Variants in ATP2B2 observed in about 807,000 individuals in gnomAD.
The protein encoded by ATP2B2 is ATPase plasma membrane Ca2+ transporting 2.
In ATP2B2, 15 loss-of-function variants were observed where a neutral mutation model predicts 120.0. The observed-to-expected ratio is 0.12, with a 90% CI of 0.08 to 0.19. The LOEUF is 0.19. Ranked by LOEUF, ATP2B2 falls within the 10% of genes least tolerant of loss-of-function variation. ATP2B2 has a pLI of 1.00. For missense variants in ATP2B2, 1,045 were observed against 1,719.8 expected, an observed-to-expected ratio of 0.61 and a Z score of 6.94; for synonymous variants, 694 against 700.3, an observed-to-expected ratio of 0.99 and a Z score of 0.14.
At chr3:10,646,477 T>C (rs2070324236) in intron 1 of ATP2B2, among the ~76,000 whole-genome samples, 1 of 152,156 alleles carries the variant, frequency 6.6e-6, no homozygotes, top group Non-Finnish European at 1.5e-5. Context: ...ACGTTTGCGA[T>C]TCCTCTTTCA....
intron 1 of ATP2B2, among the ~76,000 whole-genome samples, chr3:10,660,714 T>C (rs2070757461): frequency 6.6e-6 from 1 of 152,042 alleles, no homozygotes. Context: ...TTCCAATCAA[T>C]AGAAAAAGAG....
intron 2 of ATP2B2, among the ~76,000 whole-genome samples, chr3:10,434,445 T>C (rs2125113777): frequency 6.6e-6 from 1 of 152,300 alleles, no homozygotes; most frequent in South Asian, 2.1e-4. Context: ...TTTCAGCAGG[T>C]GGTGGCACAA....
chr3:10,527,020 G>T (rs142669042), intron 3 of ATP2B2, among the ~76,000 whole-genome samples: 3 of 152,310 alleles, frequency 2.0e-5, no homozygotes, highest in African/African-American at 7.2e-5. Context: ...TGGGGTCAAA[G>T]GGTCGAGAGC....
chr3:10,546,783 C>T (rs888183640), intron 2 of ATP2B2, among the ~76,000 whole-genome samples: 1 of 152,202 alleles, frequency 6.6e-6, no homozygotes, highest in Non-Finnish European at 1.5e-5. Flanking sequence ...GACTGAGGCT[C>T]TTAGAGGAAG....
At chr3:10,595,739 C>G (rs2068750514) in intron 2 of ATP2B2, among the ~76,000 whole-genome samples, 1 of 152,184 alleles carries the variant, frequency 6.6e-6, no homozygotes, top group Non-Finnish European at 1.5e-5. Context: ...GTAAATATGA[C>G]CATACTCCAT....
chr3:10,471,181 C>G (rs1442628507), intron 1 of ATP2B2, among the ~76,000 whole-genome samples: 2 of 152,198 alleles, frequency 1.3e-5, no homozygotes, highest in Non-Finnish European at 2.9e-5. Context: ...TCCTCCCTGC[C>G]CCCAGCACAG....
chr3:10,535,188 G>C (rs560124243), intron 2 of ATP2B2, among the ~76,000 whole-genome samples: 2 of 152,014 alleles, frequency 1.3e-5, no homozygotes, highest in African/African-American at 4.8e-5. Context: ...ACAGGCATGA[G>C]CCACCGCCCC....
chr3:10,585,684 C>G (rs1252045239), intron 2 of ATP2B2, among the ~76,000 whole-genome samples: 1 of 151,966 alleles, frequency 6.6e-6, no homozygotes, highest in East Asian at 1.9e-4. Flanking sequence ...ACCATTCCCT[C>G]TACCTGAAAC....
At chr3:10,651,354 G>C (rs1046792940) in intron 1 of ATP2B2, among the ~76,000 whole-genome samples, 53 of 152,154 alleles carry the variant, frequency 3.5e-4, no homozygotes, top group African/African-American at 1.2e-3. Context: ...ATGGGGGCAG[G>C]TCTTTCCCAT....
intron 3 of ATP2B2, among the ~76,000 whole-genome samples, chr3:10,513,123 A>G (rs2066805524): frequency 6.6e-6 from 1 of 151,982 alleles, no homozygotes; most frequent in Non-Finnish European, 1.5e-5. Flanking sequence ...GATCACACAA[A>G]CCAAAGTGTA....
At chr3:10,528,077 C>T (rs2125468225) in intron 3 of ATP2B2, among the ~76,000 whole-genome samples, 1 of 152,312 alleles carries the variant, frequency 6.6e-6, no homozygotes, top group East Asian at 1.9e-4. Context: ...GCGGGCATAA[C>T]TCTGTACCCC....
chr3:10,513,273 G>A lies in ATP2B2; in HGVS notation c.-320+20766C>T, dbSNP rs1043389703. 2.6e-5 allele frequency among the ~76,000 whole-genome samples: 4 copies of A among 152,318 alleles called. No homozygotes were observed. In the South Asian group the frequency reaches 8.3e-4, roughly 32 times the overall value. On this transcript the variant is annotated intron_variant, in intron 3 of 21. Transcript: ENST00000646379. ...TGGAGTGGGAGTTCAGTAGGTAAGA[G>A]GAGAGGCAGTGTTGCCGACAAAGGG... is the stretch of plus-strand genomic sequence containing the variant.
intron 1 of ATP2B2, among the ~76,000 whole-genome samples, chr3:10,467,952 AC>A (rs1203692017): frequency 6.6e-6 from 1 of 152,188 alleles, no homozygotes; most frequent in African/African-American, 2.4e-5. Context: ...AGGTGGGATG[AC>A]TGGCCAAGGT....
intron 3 of ATP2B2, among the ~76,000 whole-genome samples, chr3:10,518,897 T>A (rs867179400): frequency 2.5e-4 from 38 of 152,202 alleles, no homozygotes; most frequent in African/African-American, 8.7e-4. Context: ...ACCTCATCTG[T>A]AAAGTAAGAG....
At chr3:10,414,891 T>G (rs59938627) in intron 2 of ATP2B2, among the ~76,000 whole-genome samples, 23,793 of 152,130 alleles carry the variant, frequency 0.16, 4,876 homozygotes, top group African/African-American at 0.48. Context: ...CACATTTGTG[T>G]GCTCTGCTAG....
chr3:10,513,205 G>C (rs2066808420), intron 3 of ATP2B2, among the ~76,000 whole-genome samples: 1 of 152,190 alleles, frequency 6.6e-6, no homozygotes, highest in South Asian at 2.1e-4. Context: ...GCCTCACAGA[G>C]GGTTTCCTCG....
At chr3:10,456,826 G>C (rs192945333) in intron 1 of ATP2B2, among the ~76,000 whole-genome samples, 36 of 152,286 alleles carry the variant, frequency 2.4e-4, no homozygotes, top group Admixed American at 2.3e-3. Context: ...TTCCTCTCCT[G>C]GTTGCAAATT....
At chr3:10,390,882 G>A (rs1165771805) in intron 5 of ATP2B2, among the ~76,000 whole-genome samples, 1 of 152,132 alleles carries the variant, frequency 6.6e-6, no homozygotes, top group Non-Finnish European at 1.5e-5. Context: ...CTGTCACCCT[G>A]CTGAGGGCCA....
At chr3:10,384,981 A>G (rs2061632054) in intron 8 of ATP2B2, among the ~76,000 whole-genome samples, 1 of 152,214 alleles carries the variant, frequency 6.6e-6, no homozygotes, top group Non-Finnish European at 1.5e-5. Context: ...TTGGGAGCCA[A>G]TCTGAAGCCA....
Sources: allele counts gnomAD v4.1 joint callset (sites outside exome capture counted in the v4.1 genomes callset), GRCh38; gene constraint gnomAD v4.1.1; transcripts MANE v1.5; gene names NCBI Gene and HGNC (gene_info 2026-07-23, HGNC 2026-07-21).